PAK5: variants seen among roughly 807,000 people sequenced by gnomAD.
PAK5 encodes p21 (RAC1) activated kinase 5, also known as serine/threonine-protein kinase PAK 5.
PAK5 carries 16 observed loss-of-function variants against 65.9 expected under a neutral mutation model. That is an observed-to-expected ratio of 0.24 (90% CI 0.16 to 0.37). The LOEUF is 0.37. Among genes scored for constraint, PAK5 ranks in the 10% least tolerant of loss-of-function variants. PAK5 has a pLI of 1.00. For missense variants in PAK5, 785 were observed against 903.9 expected, an observed-to-expected ratio of 0.87 and a Z score of 1.69; for synonymous variants, 371 against 354.9, an observed-to-expected ratio of 1.05 and a Z score of -0.51.
intron 1 of PAK5, among the ~76,000 whole-genome samples, chr20:9,718,274 A>G (rs1023567531): frequency 6.6e-6 from 1 of 152,140 alleles, no homozygotes; most frequent in African/African-American, 2.4e-5. Context: ...CAGTCTCTGC[A>G]TGCTTTTTTC....
At chr20:9,622,394 C>A (rs1034290173) in intron 3 of PAK5, among the ~76,000 whole-genome samples, 1 of 152,180 alleles carries the variant, frequency 6.6e-6, no homozygotes, top group Non-Finnish European at 1.5e-5. Context: ...CTCCATGTAT[C>A]TGGTAGGTAC....
intron 1 of PAK5, among the ~76,000 whole-genome samples, chr20:9,800,806 C>T (rs561783973): frequency 5.3e-5 from 8 of 151,864 alleles, no homozygotes; most frequent in African/African-American, 1.7e-4. Flanking sequence ...GACTAACTGG[C>T]CTCTCTCATC....
chr20:9,756,064 G>A (rs1342730906), intron 1 of PAK5, among the ~76,000 whole-genome samples: 1 of 152,156 alleles, frequency 6.6e-6, no homozygotes, highest in African/African-American at 2.4e-5. Context: ...TGTTCAGTAA[G>A]TATTTGCTGG....
chr20:9,620,970 AG>A (rs1255815838), intron 3 of PAK5, among the ~76,000 whole-genome samples: 1 of 151,830 alleles, frequency 6.6e-6, no homozygotes, highest in Non-Finnish European at 1.5e-5. Context: ...AGAGAGAGAG[AG>A]AGAGAGAGAG....
intron 2 of PAK5, among the ~76,000 whole-genome samples, chr20:9,647,300 T>A (rs186098825): frequency 6.6e-6 from 1 of 152,236 alleles, no homozygotes; most frequent in Non-Finnish European, 1.5e-5. Context: ...AATTATTTAG[T>A]GAGCATAAAA....
At chr20:9,721,424 G>T (rs1241684242) in intron 1 of PAK5, among the ~76,000 whole-genome samples, 1 of 151,940 alleles carries the variant, frequency 6.6e-6, no homozygotes, top group Non-Finnish European at 1.5e-5. Flanking sequence ...GAGGTGGGCG[G>T]ATCAGCTGAG....
chr20:9,693,060 A>G (rs1006073759), intron 2 of PAK5, among the ~76,000 whole-genome samples: 2 of 152,116 alleles, frequency 1.3e-5, no homozygotes, highest in African/African-American at 2.4e-5. Context: ...ATATATTTCC[A>G]CTTTATTCTG....
Position 9,566,174 on chromosome 20 carries a change from G to T in PAK5, c.1201C>A (p.Leu401Met), listed in dbSNP as rs1396657359. 3 of 1,613,946 alleles carry T rather than the reference G, an allele frequency of 1.9e-6. No individual in the cohort carries two copies. The highest frequency in any genetic ancestry group is 4.5e-5 in the East Asian group (2 of 44,850). Residue 401 changes from leucine (L) to methionine (M), a missense_variant, in exon 5 of 10, where the codon CTG (leucine) becomes ATG (methionine). Physicochemically the swap from Leu to Met is conservative, Grantham distance 15. Coordinates refer to ENST00000353224, the MANE Select transcript of PAK5 (RefSeq NM_177990.4). ...SSQYISTASY[L>M]SSLSLSSSTY... ...CTGGATGAGAGGCTGAGGGAGCTCA[G>T]GTAGGAAGCCGTGGAGATGTACTGC...
intron 1 of PAK5, among the ~76,000 whole-genome samples, chr20:9,790,424 C>G (rs901131367): frequency 6.6e-6 from 1 of 151,876 alleles, no homozygotes; most frequent in East Asian, 1.9e-4. Context: ...CAGGGGAATG[C>G]GAGGATAGAA....
chr20:9,662,356 G>A (rs2047357707), intron 2 of PAK5, among the ~76,000 whole-genome samples: 1 of 152,104 alleles, frequency 6.6e-6, no homozygotes, highest in African/African-American at 2.4e-5. Flanking sequence ...AGCAACAAAA[G>A]CTTCACAATG....
chr20:9,732,008 T>A (rs1284770601), intron 1 of PAK5, among the ~76,000 whole-genome samples: 1 of 152,178 alleles, frequency 6.6e-6, no homozygotes, highest in Non-Finnish European at 1.5e-5. Context: ...AGAATTCATT[T>A]ACATGGAAAA....
At chr20:9,777,879 C>A (rs2048902843) in intron 1 of PAK5, among the ~76,000 whole-genome samples, 1 of 151,862 alleles carries the variant, frequency 6.6e-6, no homozygotes, top group Non-Finnish European at 1.5e-5. Flanking sequence ...CAAACAGAGG[C>A]ACAAATTAGG....
intron 3 of PAK5, among the ~76,000 whole-genome samples, chr20:9,602,073 A>G (rs1474286456): frequency 6.6e-6 from 1 of 152,108 alleles, no homozygotes; most frequent in Non-Finnish European, 1.5e-5. Flanking sequence ...CGGGAGGATC[A>G]CGAGGTCAAG....
intron 3 of PAK5, among the ~76,000 whole-genome samples, chr20:9,598,383 G>A (rs951700944): frequency 3.9e-5 from 6 of 152,184 alleles, no homozygotes; most frequent in East Asian, 1.9e-4. Flanking sequence ...GCTTGATCCC[G>A]TGTCTTTGCT....
At chr20:9,598,053 C>T (rs1429206042) in intron 3 of PAK5, among the ~76,000 whole-genome samples, 1 of 152,200 alleles carries the variant, frequency 6.6e-6, no homozygotes, top group Non-Finnish European at 1.5e-5. Flanking sequence ...ACCTATCAAT[C>T]TCTCACCTAG....
chr20:9,747,554 C>A (rs541960184), intron 1 of PAK5, among the ~76,000 whole-genome samples: 8 of 151,052 alleles, frequency 5.3e-5, no homozygotes, highest in African/African-American at 1.9e-4. Context: ...TAAATGTAAT[C>A]CAGCATATAA....
intron 1 of PAK5, among the ~76,000 whole-genome samples, chr20:9,816,210 C>A (rs1179441907): frequency 6.6e-6 from 1 of 152,084 alleles, no homozygotes; most frequent in African/African-American, 2.4e-5. Context: ...CAACTTGAAT[C>A]TGTGTTCCTG....
At chr20:9,813,203 G>C (rs931680712) in intron 1 of PAK5, among the ~76,000 whole-genome samples, 3 of 152,062 alleles carry the variant, frequency 2.0e-5, no homozygotes, top group African/African-American at 4.8e-5. Flanking sequence ...ACAGAAAACA[G>C]AGCAATAGGG....
At chr20:9,783,192 T>C (rs1391130736) in intron 1 of PAK5, among the ~76,000 whole-genome samples, 1 of 152,134 alleles carries the variant, frequency 6.6e-6, no homozygotes, top group Non-Finnish European at 1.5e-5. Flanking sequence ...CACCCTAGCC[T>C]CCCAAAGTGC....
Sources: gnomAD v4.1 joint callset for allele counts (sites outside exome capture counted in the v4.1 genomes callset) on GRCh38, gnomAD v4.1.1 for gene constraint, MANE v1.5 for transcripts, NCBI Gene and HGNC (gene_info 2026-07-23, HGNC 2026-07-21) for gene names.